Variants in LHFPL3 observed in about 807,000 individuals in gnomAD.
LHFPL3 encodes LHFPL tetraspan subfamily member 3.
In LHFPL3, 5 loss-of-function variants were observed where a neutral mutation model predicts 19.3. The ratio of observed to expected loss-of-function variants is 0.26; its 90% CI spans 0.14 to 0.54. LHFPL3 has a LOEUF of 0.54. Ranked by LOEUF, LHFPL3 falls within the 20% of genes least tolerant of loss-of-function variation. The pLI is 0.94. For missense variants in LHFPL3, 249 were observed against 307.4 expected (o/e 0.81, Z 1.42); for synonymous variants, 133 against 126.2 (o/e 1.05, Z -0.36).
chr7:104,860,617 T>C (rs1369047641), intron 2 of LHFPL3, among the ~76,000 whole-genome samples: 1 of 152,172 alleles, frequency 6.6e-6, no homozygotes, highest in East Asian at 1.9e-4. Flanking sequence ...AACCAGACAC[T>C]TTAAGAGGGA....
intron 1 of LHFPL3, among the ~76,000 whole-genome samples, chr7:104,425,170 G>A (rs1168477794): frequency 1.3e-5 from 2 of 151,718 alleles, no homozygotes; most frequent in African/African-American, 2.4e-5. Context: ...GAGTGTTGGA[G>A]TTGGGATAAT....
At chr7:104,901,544 A>C (rs1332808687) in intron 2 of LHFPL3, among the ~76,000 whole-genome samples, 1 of 149,456 alleles carries the variant, frequency 6.7e-6, no homozygotes, top group East Asian at 2.0e-4. Context: ...CTAGGTACCT[A>C]GGGGGCAAGC....
At chr7:104,474,687 C>CAAAAAA (rs928431129) in intron 1 of LHFPL3, among the ~76,000 whole-genome samples, 408 of 40,014 alleles carry the variant, frequency 0.01, no homozygotes, top group South Asian at 0.015. Flanking sequence ...ACAACAACAA[C>CAAAAAA]AAAAAAAAAA....
chr7:104,886,657 G>A (rs564267886), intron 2 of LHFPL3, among the ~76,000 whole-genome samples: 7 of 152,204 alleles, frequency 4.6e-5, no homozygotes, highest in Non-Finnish European at 8.8e-5. Flanking sequence ...GAACCACTGC[G>A]CCCAGCCTCT....
intron 1 of LHFPL3, among the ~76,000 whole-genome samples, chr7:104,575,638 A>ATTAT (rs907292052): frequency 8.8e-4 from 124 of 141,300 alleles, no homozygotes; most frequent in Admixed American, 1.6e-3. Flanking sequence ...TCTTTGCTTT[A>ATTAT]TTATTTATTT....
At chr7:104,695,438 C>T (rs1792980285) in intron 1 of LHFPL3, among the ~76,000 whole-genome samples, 1 of 152,180 alleles carries the variant, frequency 6.6e-6, no homozygotes, top group African/African-American at 2.4e-5. Context: ...GGGTATATAA[C>T]CTTTTTTGTT....
At chr7:104,479,904 A>G (rs1258948344) in intron 1 of LHFPL3, among the ~76,000 whole-genome samples, 1 of 152,208 alleles carries the variant, frequency 6.6e-6, no homozygotes, top group African/African-American at 2.4e-5. Flanking sequence ...AAAATTTCTC[A>G]TTGATCATCT....
chr7:104,509,299 G>A (rs1793764410), intron 1 of LHFPL3, among the ~76,000 whole-genome samples: 1 of 151,502 alleles, frequency 6.6e-6, no homozygotes, highest in Non-Finnish European at 1.5e-5. Context: ...CAGAAACTAT[G>A]GACCAACACT....
At chr7:104,467,834 A>T (rs915304336) in intron 1 of LHFPL3, among the ~76,000 whole-genome samples, 3 of 152,140 alleles carry the variant, frequency 2.0e-5, no homozygotes, top group African/African-American at 4.8e-5. Context: ...CCTCTCCTTC[A>T]TCCTGCTCCT....
In LHFPL3 at chr7:104,470,926, G is replaced by T. The variant is rs150839976; in HGVS notation, c.445+141702G>T. The stretch of plus-strand genomic sequence containing the variant: ...ACCTACATATCACATCCAGGAGAAT[G>T]CCCTCCTGCCAGTCCCCCTGCCCCT... On this transcript the variant is annotated intron_variant, in intron 1 of 2. Transcript: ENST00000424859. 9.9e-5 allele frequency among the ~76,000 whole-genome samples: 15 copies of T among 152,188 alleles called. No individual in the cohort carries two copies. The East Asian group carries it at 2.7e-3, about 27-fold the overall frequency.
intron 1 of LHFPL3, among the ~76,000 whole-genome samples, chr7:104,646,459 G>A (rs1791937879): frequency 6.6e-6 from 1 of 152,152 alleles, no homozygotes; most frequent in South Asian, 2.1e-4. Context: ...CTTTATTTCT[G>A]TGAAATAGGA....
chr7:104,575,928 G>T (rs561496882), intron 1 of LHFPL3, among the ~76,000 whole-genome samples: 1 of 152,224 alleles, frequency 6.6e-6, no homozygotes, highest in East Asian at 1.9e-4. Context: ...AATCTTTTTG[G>T]AAAGGGTGGC....
At chr7:104,823,817 A>G (rs997538338) in intron 2 of LHFPL3, among the ~76,000 whole-genome samples, 1 of 152,054 alleles carries the variant, frequency 6.6e-6, no homozygotes, top group African/African-American at 2.4e-5. Context: ...AAAAAAAGAG[A>G]AAGAGATATG....
intron 1 of LHFPL3, among the ~76,000 whole-genome samples, chr7:104,604,141 AC>A (rs1206095845): frequency 6.6e-6 from 1 of 151,958 alleles, no homozygotes; most frequent in Non-Finnish European, 1.5e-5. Context: ...CTAGGTGGAG[AC>A]CGCCATGGCC....
At chr7:104,470,195 C>A in intron 1 of LHFPL3, 3 of 395,608 alleles carry the variant, frequency 7.6e-6, no homozygotes, top group South Asian at 3.6e-5. Flanking sequence ...TTTTCAAAAG[C>A]AAGAAATGGA....
At chr7:104,823,934 T>A (rs1272423762) in intron 2 of LHFPL3, among the ~76,000 whole-genome samples, 1 of 151,186 alleles carries the variant, frequency 6.6e-6, no homozygotes, top group Non-Finnish European at 1.5e-5. Context: ...TCACTTGAGG[T>A]CCGGAGTTCG....
intron 1 of LHFPL3, among the ~76,000 whole-genome samples, chr7:104,587,136 A>G (rs1317445985): frequency 2.6e-5 from 4 of 152,194 alleles, no homozygotes; most frequent in Admixed American, 1.3e-4. Flanking sequence ...TATTTTTATT[A>G]TACTTTAAGT....
At chr7:104,579,640 A>G (rs1790416549) in intron 1 of LHFPL3, among the ~76,000 whole-genome samples, 1 of 152,186 alleles carries the variant, frequency 6.6e-6, no homozygotes, top group Non-Finnish European at 1.5e-5. Context: ...AGTCATTATT[A>G]TTGAGCACTT....
chr7:104,547,275 T>G lies in LHFPL3; in HGVS notation c.446-189400T>G, dbSNP rs1167712779. 2.7e-4 allele frequency among the ~76,000 whole-genome samples: 32 copies of G among 117,504 alleles called. 9 individuals carry two copies. The highest frequency in any genetic ancestry group is 5.7e-4 in the Non-Finnish European group (30 of 52,878). 77.1% of individuals were successfully genotyped at this position (117,504 alleles called of 152,430 possible). The stretch of plus-strand genomic sequence containing the variant: ...AAAAAAAAAAAAAAAAAAAAAGAAA[T>G]AGTAGCTCAAAATATGTATAATCAA... On this transcript the variant is annotated intron_variant, in intron 1 of 2. Transcript: ENST00000424859.
Sources: gnomAD v4.1 joint callset for allele counts (sites outside exome capture counted in the v4.1 genomes callset) on GRCh38, gnomAD v4.1.1 for gene constraint, MANE v1.5 for transcripts, NCBI Gene and HGNC (gene_info 2026-07-23, HGNC 2026-07-21) for gene names.